LAMB2: variants seen among roughly 807,000 people sequenced by gnomAD.
LAMB2 encodes the protein laminin subunit beta-2.
In LAMB2, 119 loss-of-function variants were observed where a neutral mutation model predicts 202.7. The observed-to-expected ratio is 0.59, with a 90% CI of 0.51 to 0.68. LAMB2 has a LOEUF of 0.68. Ranked by LOEUF, LAMB2 falls within the 30% of genes least tolerant of loss-of-function variation. The probability of loss-of-function intolerance (pLI) is 0.00; values close to 1 mark genes in which losing one functional copy is unlikely to be tolerated. For synonymous variants in LAMB2, 818 were observed against 902.2 expected (o/e 0.91, Z 1.67); for missense variants, 2,124 against 2,410.6 (o/e 0.88, Z 2.49).
rs151276385 is a variant in LAMB2, at chr3:49,130,287, C to A, written c.1169G>T (p.Arg390Leu). The change falls in exon 9 of 32, where the codon CGG (arginine) becomes CTG (leucine). Residue 390 changes from arginine to leucine, a missense_variant. By Grantham distance (102) the Arg-to-Leu change is moderately radical (BLOSUM62 -2). Coordinates refer to ENST00000305544, the MANE Select transcript of LAMB2 (RefSeq NM_002292.4). This position sits in a 1 kb window ranked among gnomAD's most constrained non-coding sequence, Gnocchi z 5.0. The part of the protein sequence containing the change: ...NTAGRHCELC[R>L]PFFYRDPTKD... ...GGTTGGGTCACGGTAGAAGAAGGGC[C>A]GACAGAGCTCACAGTGGCGCCCAGC... The A allele has an allele frequency of 6.2e-7, 1 of 1,614,226 alleles. No individual in the cohort carries two copies. The highest frequency in any genetic ancestry group is 8.5e-7 in the Non-Finnish European group (1 of 1,180,040).
chr3:49,131,817 A>C lies in LAMB2; in HGVS notation c.460-94T>G, dbSNP rs1560077102. 7.5e-7 allele frequency: 1 copy of C among 1,342,082 alleles called. No individual in the cohort carries two copies. The highest frequency in any genetic ancestry group is 1.0e-6 in the Non-Finnish European group (1 of 957,542). 83.1% of individuals were successfully genotyped at this position (1,342,082 alleles called of 1,614,324 possible). On this transcript the variant is annotated intron_variant, in intron 4 of 31. Coordinates refer to ENST00000305544, the MANE Select transcript of LAMB2 (RefSeq NM_002292.4). The surrounding 1 kb of genome is among the most constrained non-coding windows in gnomAD (Gnocchi z 5.0). ...CTGCTCAGCCCAAGACTGCCCTCAAATAGCTCACAGAGAGTGGGGGTGACT... is the reference window on the plus strand; with the variant it reads ...CTGCTCAGCCCAAGACTGCCCTCAACTAGCTCACAGAGAGTGGGGGTGACT...
intron 15 of LAMB2, among the ~76,000 whole-genome samples, chr3:49,126,804 C>T (rs1427890102): frequency 6.6e-6 from 1 of 152,188 alleles, no homozygotes; most frequent in Non-Finnish European, 1.5e-5. Flanking sequence ...CACGCTTCCT[C>T]TGACCCCGAC....
Position 49,132,618 on chromosome 3 carries a change from C to G in LAMB2, c.122G>C (p.Gly41Ala), listed in dbSNP as rs763034566. ...GGGGTAGCAGCTTCCCCTGGAACAG[C>G]CAGGCACATCCGGGGCAGGGGCCTG... is the stretch of plus-strand genomic sequence containing the variant. ...LAQAPAPDVPGCSRGSCYPAT... is the reference protein window; with the variant it reads ...LAQAPAPDVPACSRGSCYPAT... The change falls in exon 2 of 32, where the codon GGC (glycine) becomes GCC (alanine). Residue 41 changes from glycine to alanine, a missense_variant. Gly to Ala is a moderately conservative substitution (Grantham distance 60, BLOSUM62 0). Around this residue, in one of 3 missense-constraint regions of LAMB2, gnomAD observed 166 missense variants for 158.2 expected, o/e 1.05. Transcript: ENST00000305544. This position sits in a 1 kb window ranked among gnomAD's most constrained non-coding sequence, Gnocchi z 4.6. The G allele has an allele frequency of 2.5e-6, 4 of 1,613,924 alleles. No homozygotes were observed. In the South Asian group the frequency reaches 4.4e-5, roughly 18 times the overall value.
Position 49,129,785 on chromosome 3 carries a change from G to T in LAMB2, c.1405+54C>A, listed in dbSNP as rs2045461441. The stretch of plus-strand genomic sequence containing the variant: ...GTGCTCATGTTCAGCTGAGTCAGGA[G>T]TAAGAGGACAGGGGTTAAAGGTCAG... On this transcript the variant is annotated intron_variant, in intron 10 of 31. Coordinates refer to ENST00000305544, the MANE Select transcript of LAMB2 (RefSeq NM_002292.4). The surrounding 1 kb of genome is among the most constrained non-coding windows in gnomAD (Gnocchi z 6.1). 6.8e-6 allele frequency: 11 copies of T among 1,610,512 alleles called. No individual in the cohort carries two copies.
chr3:49,129,376 C>T lies in LAMB2; in HGVS notation c.1519-52G>A, dbSNP rs548581827. ...AGAAACAGACCTCCAGACCCCATCACCACCCAGCAGGAAATCCCAACCACA... is the reference window on the plus strand; with the variant it reads ...AGAAACAGACCTCCAGACCCCATCATCACCCAGCAGGAAATCCCAACCACA... On this transcript the variant is annotated intron_variant, in intron 11 of 31. Coordinates refer to ENST00000305544, the MANE Select transcript of LAMB2 (RefSeq NM_002292.4). This position sits in a 1 kb window ranked among gnomAD's most constrained non-coding sequence, Gnocchi z 6.1. 2.6e-6 allele frequency: 4 copies of T among 1,511,590 alleles called. No individual in the cohort carries two copies. Among genetic ancestry groups the T allele is most frequent in the African/African-American group, 2.7e-5 (2 of 72,838 alleles). 93.6% of individuals were successfully genotyped at this position (1,511,590 alleles called of 1,614,324 possible).
Position 49,130,127 on chromosome 3 carries a change from C to A in LAMB2, c.1225+104G>T. On this transcript the variant is annotated intron_variant, in intron 9 of 31. Transcript: ENST00000305544. This position sits in a 1 kb window ranked among gnomAD's most constrained non-coding sequence, Gnocchi z 5.0. ...CCCTGGATCCCTGGTCAAGTTCTAT[C>A]CCAAGCCCCTAACCCCAATTTCCTG... 1.9e-6 allele frequency: 3 copies of A among 1,584,316 alleles called. No individual in the cohort carries two copies. The highest frequency in any genetic ancestry group is 1.1e-5 in the South Asian group (1 of 90,248).
At chr3:49,121,653 A>G (rs1375117803) in intron 30 of LAMB2, 31 bp downstream of exon 30, 2 of 1,613,490 alleles carry the variant, frequency 1.2e-6, no homozygotes, top group African/African-American at 2.7e-5. Flanking sequence ...TTCCACCCCT[A>G]CCTTCTCCAG....
Position 49,126,434 on chromosome 3 carries a change from C to A in LAMB2, c.2082G>T (p.Lys694Asn). 1.2e-6 allele frequency: 2 copies of A among 1,614,208 alleles called. No homozygotes were observed. Among genetic ancestry groups the A allele is most frequent in the Non-Finnish European group, 1.7e-6 (2 of 1,180,042 alleles). ...EPGISYKLHL[K>N]LVRTGGSAQP... The stretch of plus-strand genomic sequence containing the variant: ...GGGCACTTCCCCCTGTCCGTACCAG[C>A]TTCAGATGCAGCTTGTAGGAGATAC... Residue 694 changes from lysine (K) to asparagine (N), a missense_variant, in exon 16 of 32, where the codon AAG (lysine) becomes AAT (asparagine). Coordinates refer to ENST00000305544, the MANE Select transcript of LAMB2 (RefSeq NM_002292.4).
At position 49,128,808 on chromosome 3, in the gene LAMB2, C is replaced by T. The variant is rs771434180; in HGVS notation, c.1743G>A (p.Val581=). 12 of 1,612,798 alleles carry T rather than the reference C, an allele frequency of 7.4e-6. No homozygotes were observed. Among genetic ancestry groups the T allele is most frequent in the Non-Finnish European group, 1.7e-6 (2 of 1,179,210 alleles). The part of the protein sequence containing the change: ...AEDTRGQVLD[V]VERLVTPGET... ...CCCCGGGGGTCACCAGGCGCTCCAC[C>T]ACATCGAGCACCTGGGAGATAATGC... Residue 581 remains valine, a synonymous_variant, in exon 14 of 32, where the codon GTG becomes GTA. Coordinates refer to ENST00000305544, the MANE Select transcript of LAMB2 (RefSeq NM_002292.4).
rs749394291 is a variant in LAMB2 at position 49,124,986 on chromosome 3, G to A, written c.2884+20C>T. The A allele has an allele frequency of 3.7e-5, 59 of 1,613,874 alleles. No homozygotes were observed. The highest frequency in any genetic ancestry group is 4.5e-5 in the East Asian group (2 of 44,878). On this transcript the variant is annotated intron_variant, in intron 20 of 31. Coordinates refer to ENST00000305544, the MANE Select transcript of LAMB2 (RefSeq NM_002292.4). ...CCCAGCCAACTCACCCTGATCCCACGCCTGCCCCCATCCACTCACCCGTAT... is the reference window on the plus strand; with the variant it reads ...CCCAGCCAACTCACCCTGATCCCACACCTGCCCCCATCCACTCACCCGTAT...
At position 49,131,114 on chromosome 3, in the gene LAMB2, G is replaced by A. The variant is rs780604646; in HGVS notation, c.751C>T (p.Arg251Cys). 10 of 1,613,038 alleles carry A rather than the reference G, an allele frequency of 6.2e-6. No individual in the cohort carries two copies. In the East Asian group the frequency reaches 6.7e-5, roughly 11 times the overall value. The change falls in exon 7 of 32, where the codon CGT (arginine) becomes TGT (cysteine). Residue 251 changes from arginine to cysteine, a missense_variant. Physicochemically the swap from Arg to Cys is radical, Grantham distance 180 (BLOSUM62 -3). Coordinates refer to ENST00000305544, the MANE Select transcript of LAMB2 (RefSeq NM_002292.4). This position sits in a 1 kb window ranked among gnomAD's most constrained non-coding sequence, Gnocchi z 5.0. ...AGGTTGTCTCCCAACGTGTGTAGACGAGTCAGGTTCACCCGTAGGTTGGTG... is the reference window on the plus strand; with the variant it reads ...AGGTTGTCTCCCAACGTGTGTAGACAAGTCAGGTTCACCCGTAGGTTGGTG... ...KITNLRVNLTRLHTLGDNLLD... is the reference protein window; with the variant it reads ...KITNLRVNLTCLHTLGDNLLD...
intron 21 of LAMB2, 23 bp downstream of exon 21, chr3:49,124,678 T>A (rs776899556): frequency 6.2e-7 from 1 of 1,614,004 alleles, no homozygotes. Context: ...AATTCAGCCA[T>A]GCCCTCCCAC....
chr3:49,128,527 G>A lies in LAMB2; in HGVS notation c.1949C>T (p.Ala650Val). 1 of 1,614,206 alleles carries A rather than the reference G, an allele frequency of 6.2e-7. No homozygotes were observed. The change falls in exon 15 of 32, where the codon GCC becomes GTC. Residue 650 changes from alanine (A) to valine (V), a missense_variant. Ala to Val is a moderately conservative substitution (Grantham distance 64). Around this residue, in one of 3 missense-constraint regions of LAMB2, gnomAD observed 1,702 missense variants for 1,896.3 expected, o/e 0.90. Coordinates refer to ENST00000305544, the MANE Select transcript of LAMB2 (RefSeq NM_002292.4). Reference sequence around the variant, plus strand: ...CACCAAATGCCCACACAGGCTGTGGGCAGGCACAGGCCCTGGACGCTGCAC... The same window carrying A: ...CACCAAATGCCCACACAGGCTGTGGACAGGCACAGGCCCTGGACGCTGCAC... ...LIVQRPGPVP[A>V]HSLCGHLVPK... is the part of the protein sequence containing the mutation.
At chr3:49,128,940 G>A in intron 13 of LAMB2, 80 bp downstream of exon 13, 2 of 1,600,850 alleles carry the variant, frequency 1.2e-6, no homozygotes, top group Non-Finnish European at 1.7e-6. Flanking sequence ...CCTCAACAAG[G>A]TACTGCCCAT....
rs2107642212 is a variant in LAMB2, at chr3:49,128,559, T to C, written c.1917A>G (p.Glu639=). The change falls in exon 15 of 32, where the codon GAA becomes GAG. Residue 639 remains glutamate, a synonymous_variant. Transcript: ENST00000305544. ...PQVPEQWAEL[E]LIVQRPGPVP... Reference sequence around the variant, plus strand: ...CAGGCCCTGGACGCTGCACAATCAGTTCCAACTCTGCCCATTGCTCAGGGA... The same window carrying C: ...CAGGCCCTGGACGCTGCACAATCAGCTCCAACTCTGCCCATTGCTCAGGGA... 6.2e-7 allele frequency: 1 copy of C among 1,614,198 alleles called. No individual in the cohort carries two copies. Among genetic ancestry groups the C allele is most frequent in the Non-Finnish European group, 8.5e-7 (1 of 1,180,028 alleles).
At position 49,126,389 on chromosome 3, in the gene LAMB2, A is replaced by G. The variant is rs1436899792; in HGVS notation, c.2127T>C (p.Ser709=). Residue 709 remains serine, a synonymous_variant, in exon 16 of 32, where the codon TCT becomes TCC. Transcript: ENST00000305544. ...CCGAGTCAATGAGCAGGCCAGGTCCAGAGTAGGGAGTCTCAGGCTGGGCAC... is the reference window on the plus strand; with the variant it reads ...CCGAGTCAATGAGCAGGCCAGGTCCGGAGTAGGGAGTCTCAGGCTGGGCAC... ...GGSAQPETPY[S]GPGLLIDSLV... 1 of 1,614,182 alleles carries G rather than the reference A, an allele frequency of 6.2e-7. No individual in the cohort carries two copies. The highest frequency in any genetic ancestry group is 8.5e-7 in the Non-Finnish European group (1 of 1,180,026).
At position 49,125,966 on chromosome 3, in the gene LAMB2, C is replaced by G. The variant is rs140068188; in HGVS notation, c.2344+1G>C. 1 of 1,614,026 alleles carries G rather than the reference C, an allele frequency of 6.2e-7. No homozygotes were observed. The highest frequency in any genetic ancestry group is 8.5e-7 in the Non-Finnish European group (1 of 1,180,018). Reference sequence around the variant, plus strand: ...CATCAACCCACATCACAGACACTCACGCAGGGCACCATTGTAGATGAGGGT... The same window carrying G: ...CATCAACCCACATCACAGACACTCAGGCAGGGCACCATTGTAGATGAGGGT... On this transcript the variant is annotated splice_donor_variant, in intron 17 of 31. Coordinates refer to ENST00000305544, the MANE Select transcript of LAMB2 (RefSeq NM_002292.4). LOFTEE classifies it high-confidence loss of function.
At position 49,121,845 on chromosome 3, in the gene LAMB2, C is replaced by T. The variant is rs147341948; in HGVS notation, c.4939G>A (p.Ala1647Thr). Residue 1647 changes from alanine to threonine, a missense_variant, in exon 30 of 32, where the codon GCA becomes ACA. Around this residue, in one of 3 missense-constraint regions of LAMB2, gnomAD observed 1,702 missense variants for 1,896.3 expected, o/e 0.90. Transcript: ENST00000305544. Reference sequence around the variant, plus strand: ...GAGCTCAGTGCCCGCTCTGCACCTGCCATCCTCTCCTGTACCTGCCATGGG... The same window carrying T: ...GAGCTCAGTGCCCGCTCTGCACCTGTCATCCTCTCCTGTACCTGCCATGGG... ...QTLYQVQERM[A>T]GAERALSSAG... The T allele has an allele frequency of 8.1e-6, 13 of 1,613,030 alleles. No homozygotes were observed. In the African/African-American group the frequency reaches 1.7e-4, roughly 22 times the overall value.
At chr3:49,123,409 T>C (rs1312630950) in intron 25 of LAMB2, 36 bp from the exon 26 acceptor site, 5 of 1,613,958 alleles carry the variant, frequency 3.1e-6, no homozygotes, top group East Asian at 2.2e-5. Context: ...AGCTGAAGAC[T>C]GACCCTGGTC....
Sources: allele counts gnomAD v4.1 joint callset (sites outside exome capture counted in the v4.1 genomes callset), GRCh38; gene constraint gnomAD v4.1.1; regional missense constraint gnomAD v4.1.1; non-coding constraint Gnocchi (gnomAD v3.1); transcripts MANE v1.5; gene names NCBI Gene and HGNC (gene_info 2026-07-23, HGNC 2026-07-21).